Variants in MYO9B observed in about 807,000 individuals in gnomAD.
The protein encoded by MYO9B is unconventional myosin-IXb.
Under a neutral mutation model 229.5 loss-of-function variants are expected in MYO9B, and 71 were observed. That is an observed-to-expected ratio of 0.31 (90% CI 0.26 to 0.38). MYO9B has a LOEUF of 0.38. MYO9B is among the 10% of genes least tolerant of loss of function. The pLI, the probability that MYO9B is intolerant of heterozygous loss-of-function variation, is 1.00. For synonymous variants in MYO9B, 1,185 were observed against 1,235.8 expected (o/e 0.96, Z 0.86); for missense variants, 2,255 against 2,920.5 (o/e 0.77, Z 5.25).
intron 10 of MYO9B, among the ~76,000 whole-genome samples, chr19:17,164,390 T>C (rs1407320907): frequency 6.6e-6 from 1 of 151,900 alleles, no homozygotes; most frequent in Non-Finnish European, 1.5e-5. Context: ...CGTGTCTTTT[T>C]TTTTTTTTGA....
chr19:17,152,828 C>T, intron 4 of MYO9B, 122 bp downstream of exon 4: 1 of 816,802 alleles, frequency 1.2e-6, no homozygotes, highest in Non-Finnish European at 1.9e-6. Context: ...GCCGTGGAGG[C>T]TCTCACAGGA....
At chr19:17,187,255 C>T (rs1426856432) in intron 18 of MYO9B, among the ~76,000 whole-genome samples, 1 of 152,216 alleles carries the variant, frequency 6.6e-6, no homozygotes, top group Non-Finnish European at 1.5e-5. Flanking sequence ...CAGGACACAG[C>T]CCAGCATCTC....
rs1283583557 is a variant in MYO9B at position 17,179,445 on chromosome 19, T to TA, written c.2220-1481dup. On this transcript the variant is annotated intron_variant, in intron 14 of 39. Transcript: ENST00000682292. ...ATTTTTTTTTTTTTTTTTTTTTTTT[T>TA]AGACAGAGTCTCACTCTGTTGCCCA... Among the ~76,000 whole-genome samples the TA allele has an allele frequency of 2.3e-3, 260 of 115,252 alleles. 4 individuals carry two copies. The highest frequency in any genetic ancestry group is 6.6e-3 in the African/African-American group (170 of 25,950). The allele number at this position is 115,252 out of a possible 152,430, so 75.6% of individuals were successfully genotyped here.
At chr19:17,148,019 G>A (rs1181610725) in intron 3 of MYO9B, among the ~76,000 whole-genome samples, 1 of 152,038 alleles carries the variant, frequency 6.6e-6, no homozygotes, top group East Asian at 1.9e-4. Flanking sequence ...TGTCTCCCAT[G>A]GAAGCCACAC....
intron 2 of MYO9B, among the ~76,000 whole-genome samples, chr19:17,144,183 T>A (rs1218760204): frequency 6.6e-6 from 1 of 151,006 alleles, no homozygotes; most frequent in African/African-American, 2.4e-5. Flanking sequence ...GCCACTACAC[T>A]CCAGCCTGGG....
At position 17,101,992 on chromosome 19, in the gene MYO9B, C is replaced by T; in HGVS notation, c.275C>T (p.Pro92Leu). The change falls in exon 2 of 40, where the codon CCC (proline) becomes CTC (leucine). Residue 92 changes from proline to leucine, a missense_variant. This residue lies in a region of MYO9B where 386 missense variants were observed against 515.2 expected (regional missense o/e 0.75). Coordinates refer to ENST00000682292, the MANE Select transcript of MYO9B (RefSeq NM_004145.4). The surrounding 1 kb of genome is among the most constrained non-coding windows in gnomAD (Gnocchi z 4.7). The stretch of plus-strand genomic sequence containing the variant: ...CCTGTGCACCGGGTGCTGCTATGGC[C>T]CCGGCGGGCACAGGACGAGCACCCT... The part of the protein sequence containing the change: ...DSPVHRVLLW[P>L]RRAQDEHPQE... 6.2e-7 allele frequency: 1 copy of T among 1,613,136 alleles called. No homozygotes were observed.
At chr19:17,149,902 C>T (rs1300729057) in intron 3 of MYO9B, among the ~76,000 whole-genome samples, 1 of 152,230 alleles carries the variant, frequency 6.6e-6, no homozygotes, top group Non-Finnish European at 1.5e-5. Flanking sequence ...GGGGAATCGG[C>T]CACAGGCTGA....
At chr19:17,186,123 A>T in intron 18 of MYO9B, 122 bp downstream of exon 18, 1 of 804,210 alleles carries the variant, frequency 1.2e-6, no homozygotes, top group Admixed American at 2.4e-5. Context: ...GTCCATCCAG[A>T]GGCAGCCGGG....
chr19:17,114,319 G>A (rs1439316931), intron 2 of MYO9B, among the ~76,000 whole-genome samples: 3 of 152,146 alleles, frequency 2.0e-5, no homozygotes, highest in Non-Finnish European at 4.4e-5. Context: ...GGCGTGGCGG[G>A]AAGCAGTTTC....
chr19:17,159,538 A>G lies in MYO9B; in HGVS notation c.1419+54A>G, dbSNP rs553302745. On this transcript the variant is annotated intron_variant, in intron 8 of 39. Coordinates refer to ENST00000682292, the MANE Select transcript of MYO9B (RefSeq NM_004145.4). ...GCCAGATCCCAAAAACCAAGTGGGA[A>G]TGGTCTTTGGAAAGAGCCGGCATGG... is the stretch of plus-strand genomic sequence containing the variant. The G allele has an allele frequency of 4.7e-6, 7 of 1,482,718 alleles. No individual in the cohort carries two copies. The South Asian group carries it at 7.2e-5, about 15-fold the overall frequency. The allele number at this position is 1,482,718 out of a possible 1,614,324, so 91.8% of individuals were successfully genotyped here.
chr19:17,196,842 A>G (rs1272713980), intron 22 of MYO9B, among the ~76,000 whole-genome samples: 1 of 151,926 alleles, frequency 6.6e-6, no homozygotes. Flanking sequence ...ATGGATGGAC[A>G]GACAGAAGGA....
chr19:17,130,853 G>A (rs1162103099), intron 2 of MYO9B, among the ~76,000 whole-genome samples: 8 of 151,828 alleles, frequency 5.3e-5, no homozygotes, highest in Non-Finnish European at 1.0e-4. Flanking sequence ...TTCTCTGTTT[G>A]ACTGAACATT....
chr19:17,144,209 C>G (rs1213422854), intron 2 of MYO9B, among the ~76,000 whole-genome samples: 1 of 151,674 alleles, frequency 6.6e-6, no homozygotes, highest in Non-Finnish European at 1.5e-5. Flanking sequence ...GAGCGAGACC[C>G]CATCTCAAAA....
chr19:17,140,976 C>T (rs2145213795), intron 2 of MYO9B, among the ~76,000 whole-genome samples: 1 of 151,750 alleles, frequency 6.6e-6, no homozygotes, highest in Middle Eastern at 3.4e-3. Context: ...CAGTGGCACA[C>T]ACCTGTAATC....
chr19:17,099,978 G>A (rs1364816262), intron 1 of MYO9B, among the ~76,000 whole-genome samples: 8 of 150,780 alleles, frequency 5.3e-5, no homozygotes, highest in Non-Finnish European at 7.4e-5. Flanking sequence ...AAAATTAGCC[G>A]GGCGTGGTGG....
intron 6 of MYO9B, among the ~76,000 whole-genome samples, chr19:17,154,959 G>A (rs894766586): frequency 6.6e-6 from 1 of 151,752 alleles, no homozygotes; most frequent in East Asian, 1.9e-4. Flanking sequence ...GTGACAGAGC[G>A]AGACCCAGTC....
intron 38 of MYO9B, among the ~76,000 whole-genome samples, 178 bp from the exon 39 acceptor site, chr19:17,211,469 C>T (rs1165865159): frequency 6.6e-6 from 1 of 152,016 alleles, no homozygotes; most frequent in Non-Finnish European, 1.5e-5. Flanking sequence ...AGAACAGGGT[C>T]CGCCTATGTT....
chr19:17,161,758 G>A (rs754064350), intron 8 of MYO9B, among the ~76,000 whole-genome samples: 10 of 152,128 alleles, frequency 6.6e-5, no homozygotes, highest in African/African-American at 2.4e-4. Flanking sequence ...AGAGGTTGCA[G>A]TGAGCCAAGA....
At chr19:17,206,636 G>A (rs373981411) in intron 33 of MYO9B, 43 bp from the exon 34 acceptor site, 258 of 1,511,886 alleles carry the variant, frequency 1.7e-4, no homozygotes, top group Non-Finnish European at 2.2e-4. Flanking sequence ...AGGCACCTTG[G>A]GGACCCTTGG....
Sources: allele counts gnomAD v4.1 joint callset (sites outside exome capture counted in the v4.1 genomes callset), GRCh38; gene constraint gnomAD v4.1.1; regional missense constraint gnomAD v4.1.1; non-coding constraint Gnocchi (gnomAD v3.1); transcripts MANE v1.5; gene names NCBI Gene and HGNC (gene_info 2026-07-23, HGNC 2026-07-21).